PEX5L: variants seen among roughly 807,000 people sequenced by gnomAD.
PEX5L encodes the protein PEX5-related protein.
A neutral mutation model predicts 84.0 loss-of-function variants in PEX5L; 30 were observed. That is an observed-to-expected ratio of 0.36 (90% CI 0.27 to 0.48). PEX5L has a LOEUF of 0.48. Ranked by LOEUF, PEX5L falls within the 20% of genes least tolerant of loss-of-function variation. The probability of loss-of-function intolerance (pLI) is 0.99; values close to 1 mark genes in which losing one functional copy is unlikely to be tolerated. For missense variants in PEX5L, 533 were observed against 754.6 expected, an observed-to-expected ratio of 0.71 and a Z score of 3.44; for synonymous variants, 270 against 283.1, an observed-to-expected ratio of 0.95 and a Z score of 0.46.
chr3:180,007,142 G>C (rs989015180), intron 1 of PEX5L, among the ~76,000 whole-genome samples: 2 of 152,142 alleles, frequency 1.3e-5, no homozygotes, highest in Non-Finnish European at 2.9e-5. Flanking sequence ...ATACAATGGG[G>C]GTACAGGTAT....
chr3:180,013,033 T>C (rs1789627334), intron 1 of PEX5L, among the ~76,000 whole-genome samples: 1 of 152,208 alleles, frequency 6.6e-6, no homozygotes, highest in Admixed American at 6.5e-5. Flanking sequence ...TCAGTTGAGC[T>C]TTCTGTAGTT....
intron 2 of PEX5L, among the ~76,000 whole-genome samples, chr3:179,912,975 A>G (rs1217867623): frequency 6.6e-6 from 1 of 152,148 alleles, no homozygotes; most frequent in Non-Finnish European, 1.5e-5. Flanking sequence ...CTCATCCTTC[A>G]AAGAAAAAAT....
intron 8 of PEX5L, among the ~76,000 whole-genome samples, chr3:179,820,769 T>C (rs1374469217): frequency 6.6e-6 from 1 of 152,232 alleles, no homozygotes; most frequent in African/African-American, 2.4e-5. Flanking sequence ...CTGTCCCTGG[T>C]TGACTCCTAT....
intron 1 of PEX5L, among the ~76,000 whole-genome samples, chr3:180,009,548 T>C (rs570686734): frequency 7.9e-5 from 12 of 151,816 alleles, no homozygotes; most frequent in Non-Finnish European, 1.5e-4. Context: ...GAACTCAGCA[T>C]GAGTTACTGA....
chr3:180,007,921 A>G (rs1278287320), intron 1 of PEX5L, among the ~76,000 whole-genome samples: 1 of 152,246 alleles, frequency 6.6e-6, no homozygotes, highest in Non-Finnish European at 1.5e-5. Context: ...AGGGACTGCC[A>G]TGAAGGTCTC....
At chr3:179,876,724 C>T (rs1752543034) in intron 5 of PEX5L, among the ~76,000 whole-genome samples, 3 of 152,118 alleles carry the variant, frequency 2.0e-5, no homozygotes, top group African/African-American at 4.8e-5. Context: ...AACACGAACT[C>T]CTCATTCCCC....
At chr3:179,995,253 T>A (rs1467072527) in intron 1 of PEX5L, among the ~76,000 whole-genome samples, 1 of 149,152 alleles carries the variant, frequency 6.7e-6, no homozygotes, top group Non-Finnish European at 1.5e-5. Context: ...GTATATATAT[T>A]TTTTATATAT....
Position 179,815,846 on chromosome 3 carries a change from A to AGTC in PEX5L, c.1083+14_1083+15insGAC. 6.2e-7 allele frequency: 1 copy of AGTC among 1,613,554 alleles called. No homozygotes were observed. The highest frequency in any genetic ancestry group is 8.5e-7 in the Non-Finnish European group (1 of 1,179,634). ...TGCCCTTTCTGAGTCTGGCAGAATG[A>AGTC]AGGGAGAATGACACCTCTGCATCTC... On this transcript the variant is annotated intron_variant, in intron 10 of 14. Coordinates refer to ENST00000467460, the MANE Select transcript of PEX5L (RefSeq NM_016559.3).
chr3:180,012,790 C>T (rs761410625), intron 1 of PEX5L, among the ~76,000 whole-genome samples: 1 of 151,784 alleles, frequency 6.6e-6, no homozygotes, highest in East Asian at 1.9e-4. Context: ...ATTTTTAATA[C>T]CTATATCTTA....
intron 2 of PEX5L, chr3:179,902,584 G>A (rs1266247128): frequency 2.4e-6 from 1 of 415,084 alleles, no homozygotes; most frequent in Non-Finnish European, 4.8e-6. Flanking sequence ...GTAGATCTTA[G>A]TAGGTTTATA....
intron 10 of PEX5L, among the ~76,000 whole-genome samples, chr3:179,815,309 G>C (rs765183585): frequency 2.0e-5 from 3 of 152,208 alleles, no homozygotes; most frequent in Non-Finnish European, 4.4e-5. Flanking sequence ...CTACCGCTGG[G>C]CGCGGTGGCT....
intron 1 of PEX5L, among the ~76,000 whole-genome samples, chr3:180,028,178 T>C (rs1791135779): frequency 6.6e-6 from 1 of 152,240 alleles, no homozygotes; most frequent in South Asian, 2.1e-4. Flanking sequence ...TTGATCATTC[T>C]TATTTGAGTC....
At chr3:179,942,056 C>T (rs1298832063) in intron 2 of PEX5L, among the ~76,000 whole-genome samples, 1 of 149,190 alleles carries the variant, frequency 6.7e-6, no homozygotes, top group African/African-American at 2.5e-5. Flanking sequence ...AAAAGATTAT[C>T]AGCTTTTCAA....
At chr3:180,025,679 T>TA (rs57954561) in intron 1 of PEX5L, among the ~76,000 whole-genome samples, 7 of 150,568 alleles carry the variant, frequency 4.6e-5, no homozygotes, top group Non-Finnish European at 7.4e-5. Flanking sequence ...GACGAGGAAA[T>TA]AAAAAAAAAC....
rs554139007 is a variant in PEX5L at position 179,923,064 on chromosome 3, C to T, written c.94-24818G>A. 5.3e-4 allele frequency among the ~76,000 whole-genome samples: 81 copies of T among 151,674 alleles called. No homozygotes were observed. In the East Asian group the frequency reaches 8.4e-3, roughly 16 times the overall value. On this transcript the variant is annotated intron_variant, in intron 2 of 14. Coordinates refer to ENST00000467460, the MANE Select transcript of PEX5L (RefSeq NM_016559.3). The stretch of plus-strand genomic sequence containing the variant: ...CAGCACTTTGGGAGGCCGAGGCGGG[C>T]GGATCACGAAGTCAGGAGATCAAGA...
At chr3:179,933,148 A>C (rs1773579757) in intron 2 of PEX5L, among the ~76,000 whole-genome samples, 1 of 152,166 alleles carries the variant, frequency 6.6e-6, no homozygotes, top group Non-Finnish European at 1.5e-5. Flanking sequence ...AGTTAACATA[A>C]TGAATGACCC....
intron 1 of PEX5L, among the ~76,000 whole-genome samples, chr3:179,972,307 C>T (rs1353130198): frequency 3.2e-4 from 48 of 149,526 alleles, no homozygotes; most frequent in African/African-American, 1.7e-4. Context: ...GGCATTTTGT[C>T]ATCATTTATT....
intron 8 of PEX5L, among the ~76,000 whole-genome samples, chr3:179,842,980 A>G (rs1409247910): frequency 6.6e-6 from 1 of 152,106 alleles, no homozygotes; most frequent in Admixed American, 6.6e-5. Flanking sequence ...CACAAATTCA[A>G]TCATACTAGA....
intron 2 of PEX5L, among the ~76,000 whole-genome samples, chr3:179,967,991 C>G (rs1783785579): frequency 6.6e-6 from 1 of 152,120 alleles, no homozygotes; most frequent in African/African-American, 2.4e-5. Flanking sequence ...CCCCTTGTAA[C>G]TGGCTGAAAT....
Sources: allele counts gnomAD v4.1 joint callset (sites outside exome capture counted in the v4.1 genomes callset), GRCh38; gene constraint gnomAD v4.1.1; transcripts MANE v1.5; gene names NCBI Gene and HGNC (gene_info 2026-07-23, HGNC 2026-07-21).